DSCAML1: variants seen among roughly 807,000 people sequenced by gnomAD.
DSCAML1 encodes cell adhesion molecule DSCAML1.
A neutral mutation model predicts 200.5 loss-of-function variants in DSCAML1; 38 were observed. The ratio of observed to expected loss-of-function variants is 0.19; its 90% CI spans 0.15 to 0.25. The LOEUF is 0.25. DSCAML1 is among the 10% of genes least tolerant of loss of function. The pLI, the probability that DSCAML1 is intolerant of heterozygous loss-of-function variation, is 1.00. For missense variants in DSCAML1, 2,223 were observed against 2,858.8 expected, an observed-to-expected ratio of 0.78 and a Z score of 5.07; for synonymous variants, 1,215 against 1,165.0, an observed-to-expected ratio of 1.04 and a Z score of -0.87.
chr11:117,546,788 C>G (rs553204140), intron 3 of DSCAML1, among the ~76,000 whole-genome samples: 1 of 152,274 alleles, frequency 6.6e-6, no homozygotes, highest in Admixed American at 6.5e-5. Context: ...AAATACAGCT[C>G]TATCTTTCTC....
At chr11:117,509,902 C>T (rs528812749) in intron 8 of DSCAML1, among the ~76,000 whole-genome samples, 114 of 152,354 alleles carry the variant, frequency 7.5e-4, no homozygotes, top group African/African-American at 2.6e-3. Flanking sequence ...CCCCGAGTCC[C>T]AGCGTGTCCC....
chr11:117,562,521 A>C (rs2050682206), intron 3 of DSCAML1, among the ~76,000 whole-genome samples: 1 of 152,192 alleles, frequency 6.6e-6, no homozygotes. Context: ...CCGAAACGAC[A>C]TGTGGGTCTC....
chr11:117,731,740 A>G (rs1327249920), intron 3 of DSCAML1, among the ~76,000 whole-genome samples: 1 of 152,228 alleles, frequency 6.6e-6, no homozygotes. Context: ...AAGTTCCTTT[A>G]GAGCAGAAAA....
At chr11:117,473,047 C>A (rs955116241) in intron 14 of DSCAML1, among the ~76,000 whole-genome samples, 3 of 152,112 alleles carry the variant, frequency 2.0e-5, no homozygotes, top group African/African-American at 7.2e-5. Flanking sequence ...GTCACTATTC[C>A]GTCTAATTTT....
At chr11:117,482,522 A>C (rs2048950152) in intron 11 of DSCAML1, among the ~76,000 whole-genome samples, 1 of 152,226 alleles carries the variant, frequency 6.6e-6, no homozygotes, top group Non-Finnish European at 1.5e-5. Context: ...ATCACCTATC[A>C]GTATGTGTTC....
intron 18 of DSCAML1, among the ~76,000 whole-genome samples, 171 bp downstream of exon 18, chr11:117,461,279 G>A (rs547861378): frequency 1.3e-4 from 20 of 149,484 alleles, no homozygotes; most frequent in African/African-American, 3.7e-4. Context: ...ACTCTCCCCC[G>A]GCCCCTATAG....
Position 117,437,154 on chromosome 11 carries a change from G to A in DSCAML1, c.4688C>T (p.Thr1563Ile). Residue 1563 changes from threonine to isoleucine, a missense_variant, in exon 26 of 33, where the codon ACA becomes ATA. Around this residue, in one of 7 missense-constraint regions of DSCAML1, gnomAD observed 614 missense variants for 739.1 expected, o/e 0.83. Coordinates refer to ENST00000651296, the MANE Select transcript of DSCAML1 (RefSeq NM_020693.4). The surrounding 1 kb of genome is among the most constrained non-coding windows in gnomAD (Gnocchi z 5.3). ...GTAGTCCAGGGTGGCGAACTGGGCT[G>A]TTTCATTGCCGCAGCCCGCACTGTT... ...ACNSAGCGNETAQFATLDYDG... is the reference protein window; with the variant it reads ...ACNSAGCGNEIAQFATLDYDG... 6.2e-7 allele frequency: 1 copy of A among 1,614,064 alleles called. No individual in the cohort carries two copies. Among genetic ancestry groups the A allele is most frequent in the Non-Finnish European group, 8.5e-7 (1 of 1,179,962 alleles).
chr11:117,585,250 A>T (rs2051118187), intron 3 of DSCAML1, among the ~76,000 whole-genome samples: 1 of 151,288 alleles, frequency 6.6e-6, no homozygotes, highest in Non-Finnish European at 1.5e-5. Flanking sequence ...GTTTTCTGCT[A>T]TTTTTTTTCT....
At chr11:117,429,495 C>G in intron 32 of DSCAML1, among the ~76,000 whole-genome samples, 1 of 49,174 alleles carries the variant, frequency 2.0e-5, no homozygotes, top group African/African-American at 5.8e-5. Flanking sequence ...CCTCCGCTTC[C>G]CGAGTAGCTG....
intron 1 of DSCAML1, among the ~76,000 whole-genome samples, chr11:117,802,332 A>G (rs2055667894): frequency 1.3e-5 from 2 of 152,096 alleles, no homozygotes; most frequent in Admixed American, 6.5e-5. Context: ...CATGGGTCTC[A>G]TCCCTTTGTC....
chr11:117,436,981 C>T, intron 26 of DSCAML1, 141 bp downstream of exon 26: 1 of 1,229,518 alleles, frequency 8.1e-7, no homozygotes, highest in Non-Finnish European at 1.1e-6. Context: ...GCCCCTTCAC[C>T]TGCAGGCCAG....
chr11:117,702,462 C>G (rs1378715094), intron 3 of DSCAML1, among the ~76,000 whole-genome samples: 1 of 152,058 alleles, frequency 6.6e-6, no homozygotes, highest in African/African-American at 2.4e-5. Flanking sequence ...GGAAGCCTTT[C>G]CCTGACTGCT....
chr11:117,698,502 A>C (rs1038877743), intron 3 of DSCAML1, among the ~76,000 whole-genome samples: 2 of 152,206 alleles, frequency 1.3e-5, no homozygotes, highest in African/African-American at 4.8e-5. Flanking sequence ...CAGAATGGCT[A>C]CACAATTTTA....
At chr11:117,560,268 C>T (rs748831493) in intron 3 of DSCAML1, among the ~76,000 whole-genome samples, 4 of 152,098 alleles carry the variant, frequency 2.6e-5, no homozygotes, top group Non-Finnish European at 5.9e-5. Context: ...GTTTTGGATA[C>T]AGTATCTTAT....
intron 16 of DSCAML1, among the ~76,000 whole-genome samples, chr11:117,466,538 A>G (rs2048583286): frequency 6.6e-6 from 1 of 152,156 alleles, no homozygotes; most frequent in Non-Finnish European, 1.5e-5. Flanking sequence ...CATCTCTACT[A>G]AAAATACAAA....
At chr11:117,813,639 C>T (rs958555242) in intron 1 of DSCAML1, among the ~76,000 whole-genome samples, 11 of 152,134 alleles carry the variant, frequency 7.2e-5, no homozygotes, top group East Asian at 1.9e-4. Flanking sequence ...CATACAAAAC[C>T]GTATCCAGGC....
chr11:117,451,837 C>G (rs1033531099), intron 19 of DSCAML1, among the ~76,000 whole-genome samples: 7 of 151,972 alleles, frequency 4.6e-5, no homozygotes, highest in African/African-American at 1.5e-4. Context: ...AATAATAAAG[C>G]ACCTAGCACA....
At chr11:117,628,346 T>C (rs7928623) in intron 3 of DSCAML1, among the ~76,000 whole-genome samples, 21,569 of 152,230 alleles carry the variant, frequency 0.14, 2,108 homozygotes, top group African/African-American at 0.27. Flanking sequence ...CTGATCCTCA[T>C]GACCTCTGAG....
chr11:117,480,343 C>T lies in DSCAML1; in HGVS notation c.2785+100G>A, dbSNP rs2048886659. On this transcript the variant is annotated intron_variant, in intron 14 of 32. Transcript: ENST00000651296. This position sits in a 1 kb window ranked among gnomAD's most constrained non-coding sequence, Gnocchi z 4.1. ...TGTGTGTCTAGCTTGGATGGGCAGC[C>T]CTAAGGCTCAGGGGCTCTCCTCCCA... The T allele has an allele frequency of 1.3e-6, 2 of 1,532,806 alleles. No homozygotes were observed. The highest frequency in any genetic ancestry group is 1.8e-6 in the Non-Finnish European group (2 of 1,133,518). 95.0% of individuals were successfully genotyped at this position (1,532,806 alleles called of 1,614,324 possible). A position where few individuals can be genotyped will look rare whatever the true frequency, so the allele number is the denominator to read the frequency against.
Sources: gnomAD v4.1 joint callset for allele counts (sites outside exome capture counted in the v4.1 genomes callset) on GRCh38, gnomAD v4.1.1 for gene constraint, gnomAD v4.1.1 regional missense constraint, Gnocchi (gnomAD v3.1) non-coding constraint, MANE v1.5 for transcripts, NCBI Gene and HGNC (gene_info 2026-07-23, HGNC 2026-07-21) for gene names.